The following AP3M1 variants were observed in gnomAD, a reference collection of about 807,000 sequenced individuals.
The protein encoded by AP3M1 is AP-3 complex subunit mu-1.
AP3M1 carries 29 observed loss-of-function variants against 42.6 expected under a neutral mutation model. The observed-to-expected ratio is 0.68, with a 90% CI of 0.51 to 0.93. The LOEUF (loss-of-function observed/expected upper bound fraction) is 0.93. Among genes scored for constraint, AP3M1 ranks in the 40% least tolerant of loss-of-function variants. AP3M1 has a pLI of 0.00. For synonymous variants in AP3M1, 178 were observed against 175.3 expected (o/e 1.02, Z -0.12); for missense variants, 416 against 510.2 (o/e 0.82, Z 1.78).
intron 3 of AP3M1, among the ~76,000 whole-genome samples, chr10:74,136,037 T>C (rs1460862796): frequency 6.6e-6 from 1 of 152,244 alleles, no homozygotes; most frequent in Non-Finnish European, 1.5e-5. Context: ...ATGTGCCTAA[T>C]TTCTAGCTAC....
intron 1 of AP3M1, among the ~76,000 whole-genome samples, chr10:74,147,218 G>A (rs1025873266): frequency 2.6e-5 from 4 of 152,190 alleles, no homozygotes; most frequent in African/African-American, 9.6e-5. Context: ...CCGGGAGGTG[G>A]AGGCTGCAGT....
chr10:74,139,793 G>T (rs1841080556), intron 1 of AP3M1, among the ~76,000 whole-genome samples: 1 of 151,882 alleles, frequency 6.6e-6, no homozygotes, highest in African/African-American at 2.4e-5. Flanking sequence ...TGTAGTCCCA[G>T]CTACTCAGGA....
chr10:74,123,627 G>T lies in AP3M1; in HGVS notation c.*183C>A, dbSNP rs770973823. The T allele has an allele frequency of 5.1e-6, 3 of 583,208 alleles. No homozygotes were observed. In the Admixed American group the frequency reaches 9.7e-5, roughly 19 times the overall value. The allele number at this position is 583,208 out of a possible 1,614,324, so 36.1% of individuals were successfully genotyped here. On this transcript the variant is annotated 3_prime_UTR_variant, in exon 9 of 9. Coordinates refer to ENST00000355264, the MANE Select transcript of AP3M1 (RefSeq NM_012095.6). The stretch of plus-strand genomic sequence containing the variant: ...ACAAAATAAGCTAAGTCACTAAAAG[G>T]TTTCCTTAGCTTAAAGCTCCTTAAG...
At position 74,121,304 on chromosome 10, in the gene AP3M1, C is replaced by T. The variant is rs1010161387; in HGVS notation, c.*2506G>A. 4 of 152,156 alleles carry T rather than the reference C, an allele frequency of 2.6e-5. No homozygotes were observed. The highest frequency in any genetic ancestry group is 7.2e-5 in the African/African-American group (3 of 41,422). The allele number at this position is 152,156 out of a possible 1,614,324, so 9.4% of individuals were successfully genotyped here. ...ATTTTCCTAGGGTCCTTCTGTAGCACCACTTAAGGAATGAACCTATCACAG... is the reference window on the plus strand; with the variant it reads ...ATTTTCCTAGGGTCCTTCTGTAGCATCACTTAAGGAATGAACCTATCACAG... On this transcript the variant is annotated 3_prime_UTR_variant, in exon 9 of 9. Coordinates refer to ENST00000355264, the MANE Select transcript of AP3M1 (RefSeq NM_012095.6).
chr10:74,128,307 C>T (rs1215403162), intron 6 of AP3M1, among the ~76,000 whole-genome samples: 1 of 150,048 alleles, frequency 6.7e-6, no homozygotes, highest in Non-Finnish European at 1.5e-5. Context: ...GTGGTGTGAT[C>T]TGTCACTGCA....
chr10:74,127,396 C>A (rs1053155457), intron 6 of AP3M1, among the ~76,000 whole-genome samples: 10 of 151,908 alleles, frequency 6.6e-5, no homozygotes, highest in Non-Finnish European at 1.2e-4. Context: ...GTAATCCCAG[C>A]ACTTTGGGAG....
intron 1 of AP3M1, among the ~76,000 whole-genome samples, chr10:74,148,785 G>A (rs1295132242): frequency 6.6e-6 from 1 of 152,028 alleles, no homozygotes; most frequent in African/African-American, 2.4e-5. Context: ...TCCAGCTCCT[G>A]GCCTCAAGTG....
chr10:74,130,017 G>C, intron 4 of AP3M1, 25 bp from the exon 5 acceptor site: 1 of 1,448,832 alleles, frequency 6.9e-7, no homozygotes, highest in Non-Finnish European at 9.7e-7. Context: ...AAAAAAGGAA[G>C]ATAACATCAA....
In AP3M1 at chr10:74,121,517, G is replaced by GTGA. The variant is rs1324445295; in HGVS notation, c.*2290_*2292dup. ...TCTTTGTTATCAGTAGGTGGTGGTA[G>GTGA]TGATAGGGAAGGGAGCTTTGATCAC... On this transcript the variant is annotated 3_prime_UTR_variant, in exon 9 of 9. Transcript: ENST00000355264. The GTGA allele has an allele frequency of 2.0e-5, 3 of 152,232 alleles. No homozygotes were observed. Among genetic ancestry groups the GTGA allele is most frequent in the Non-Finnish European group, 4.4e-5 (3 of 68,036 alleles). 9.4% of individuals were successfully genotyped at this position (152,232 alleles called of 1,614,324 possible). A position where few individuals can be genotyped will look rare whatever the true frequency, so the allele number is the denominator to read the frequency against.
Position 74,150,810 on chromosome 10 carries a change from G to C in AP3M1, c.-59C>G, listed in dbSNP as rs1213737731. 1 of 182,756 alleles carries C rather than the reference G, an allele frequency of 5.5e-6. No individual in the cohort carries two copies. Among genetic ancestry groups the C allele is most frequent in the African/African-American group, 2.4e-5 (1 of 42,120 alleles). The allele number at this position is 182,756 out of a possible 1,614,324, so 11.3% of individuals were successfully genotyped here. On this transcript the variant is annotated 5_prime_UTR_variant, in exon 1 of 9. Coordinates refer to ENST00000355264, the MANE Select transcript of AP3M1 (RefSeq NM_012095.6). ...GCCGGATCCTCTCCTACCGAAGCTG[G>C]AGAAGCCGAGAAGGCCGCGAGGACC...
chr10:74,132,139 G>C (rs1011773038), intron 4 of AP3M1, among the ~76,000 whole-genome samples: 10 of 151,984 alleles, frequency 6.6e-5, no homozygotes, highest in Non-Finnish European at 1.2e-4. Flanking sequence ...CCAGGGTCAA[G>C]CAATTCTCCT....
At chr10:74,146,880 G>GAA (rs781477469) in intron 1 of AP3M1, among the ~76,000 whole-genome samples, 3 of 133,918 alleles carry the variant, frequency 2.2e-5, no homozygotes, top group Non-Finnish European at 1.6e-5. Flanking sequence ...AGAGTCCTAA[G>GAA]AAAAAAAAAA....
chr10:74,131,553 T>TC (rs759822392), intron 4 of AP3M1, among the ~76,000 whole-genome samples: 13 of 151,692 alleles, frequency 8.6e-5, no homozygotes, highest in Non-Finnish European at 1.8e-4. Context: ...GAAAGATATC[T>TC]CTTTTTTTTT....
intron 6 of AP3M1, 131 bp downstream of exon 6, chr10:74,128,977 G>C (rs1840696676): frequency 9.4e-7 from 1 of 1,063,172 alleles, no homozygotes; most frequent in Non-Finnish European, 1.4e-6. Context: ...CGTTCTCACT[G>C]GGTCTCCTGG....
intron 7 of AP3M1, among the ~76,000 whole-genome samples, chr10:74,125,546 A>G: frequency 6.6e-6 from 1 of 152,232 alleles, no homozygotes; most frequent in Non-Finnish European, 1.5e-5. Context: ...ATGTTATTCA[A>G]AAAACATGTC....
Position 74,120,392 on chromosome 10 carries a change from A to C in AP3M1, c.*3418T>G, listed in dbSNP as rs529763649. ...CACACTTGAAGGAATGGAAGTGGCAAAGGTTAACAGGCAGAAAGCAGCTGG... is the reference window on the plus strand; with the variant it reads ...CACACTTGAAGGAATGGAAGTGGCACAGGTTAACAGGCAGAAAGCAGCTGG... On this transcript the variant is annotated 3_prime_UTR_variant, in exon 9 of 9. Coordinates refer to ENST00000355264, the MANE Select transcript of AP3M1 (RefSeq NM_012095.6). The C allele has an allele frequency of 6.6e-6, 1 of 152,358 alleles. No individual in the cohort carries two copies. Among genetic ancestry groups the C allele is most frequent in the South Asian group, 2.1e-4 (1 of 4,832 alleles). The allele number at this position is 152,358 out of a possible 1,614,324, so 9.4% of individuals were successfully genotyped here. A position where few individuals can be genotyped will look rare whatever the true frequency, so the allele number is the denominator to read the frequency against.
chr10:74,129,274 A>C, intron 5 of AP3M1, 33 bp from the exon 6 acceptor site: 1 of 1,608,760 alleles, frequency 6.2e-7, no homozygotes, highest in Non-Finnish European at 8.5e-7. Flanking sequence ...TCGTTCATAG[A>C]CTATAATGAA....
chr10:74,126,104 G>A, intron 7 of AP3M1, 44 bp downstream of exon 7: 1 of 1,595,796 alleles, frequency 6.3e-7, no homozygotes, highest in Non-Finnish European at 8.6e-7. Context: ...TCACAAAATA[G>A]ATTGCAGAAA....
chr10:74,127,617 C>T (rs1249584997), intron 6 of AP3M1, among the ~76,000 whole-genome samples: 2 of 151,796 alleles, frequency 1.3e-5, no homozygotes, highest in African/African-American at 2.4e-5. Flanking sequence ...CAAGATCACA[C>T]CATTGCACTC....
Sources: gnomAD v4.1 joint callset for allele counts (sites outside exome capture counted in the v4.1 genomes callset) on GRCh38, gnomAD v4.1.1 for gene constraint, MANE v1.5 for transcripts, NCBI Gene and HGNC (gene_info 2026-07-23, HGNC 2026-07-21) for gene names.